CFAP299: variants seen among roughly 807,000 people sequenced by gnomAD.
The protein encoded by CFAP299 is cilia- and flagella-associated protein 299.
In CFAP299, 21 loss-of-function variants were observed where a neutral mutation model predicts 27.0. That is an observed-to-expected ratio of 0.78 (90% CI 0.55 to 1.12). The LOEUF (loss-of-function observed/expected upper bound fraction) is 1.12, where lower values mean the gene tolerates loss of function less well. Ranked by LOEUF, CFAP299 falls within the 50% of genes most tolerant of loss-of-function variation. The pLI is 0.00. For missense variants in CFAP299, 310 were observed against 276.6 expected (o/e 1.12, Z -0.86); for synonymous variants, 104 against 98.1 (o/e 1.06, Z -0.36).
intron 1 of CFAP299, among the ~76,000 whole-genome samples, chr4:80,348,925 A>G (rs1037299163): frequency 6.6e-5 from 10 of 152,152 alleles, no homozygotes; most frequent in African/African-American, 2.4e-4. Flanking sequence ...GAGTGCACAT[A>G]ATTTATTTTA....
intron 3 of CFAP299, among the ~76,000 whole-genome samples, chr4:80,595,974 A>G (rs1737038258): frequency 6.6e-6 from 1 of 152,180 alleles, no homozygotes; most frequent in South Asian, 2.1e-4. Context: ...GAGGGTTCCC[A>G]TCATACCTAT....
chr4:80,366,401 AG>A (rs1723835771), intron 2 of CFAP299, among the ~76,000 whole-genome samples: 1 of 152,216 alleles, frequency 6.6e-6, no homozygotes, highest in South Asian at 2.1e-4. Flanking sequence ...GAGAGATGAA[AG>A]TTAAAGATAT....
Position 80,532,851 on chromosome 4 carries a change from C to T in CFAP299, c.243-50242C>T, listed in dbSNP as rs367807961. On this transcript the variant is annotated intron_variant, in intron 2 of 5. Coordinates refer to ENST00000358105, the MANE Select transcript of CFAP299 (RefSeq NM_152770.3). ...GAAAACTCTGCAAAGCTAGCAGTGACGGTAGGTCACTGGGGGTGGCTGCCA... is the reference window on the plus strand; with the variant it reads ...GAAAACTCTGCAAAGCTAGCAGTGATGGTAGGTCACTGGGGGTGGCTGCCA... Among the ~76,000 whole-genome samples, 191 of 152,282 alleles carry T rather than the reference C, an allele frequency of 1.3e-3. No homozygotes were observed. The South Asian group carries it at 0.028, about 22-fold the overall frequency.
At chr4:80,799,618 AT>A (rs1230414595) in intron 3 of CFAP299, among the ~76,000 whole-genome samples, 1,102 of 31,596 alleles carry the variant, frequency 0.035, 55 homozygotes, top group African/African-American at 0.051. Flanking sequence ...TATATTATAT[AT>A]TTATAAATAT....
intron 2 of CFAP299, among the ~76,000 whole-genome samples, chr4:80,430,030 G>A (rs959353167): frequency 2.6e-5 from 4 of 151,786 alleles, no homozygotes; most frequent in African/African-American, 7.3e-5. Context: ...AAGCTTTATA[G>A]CAATCTTCTA....
rs534335184 is a variant in CFAP299, at chr4:80,664,933, A to C, written c.333+81750A>C. ...AAGCGTAGTTTCTGGGCCAGAATGC[A>C]CCATTCCTCATGGCATGGTCCCTCG... On this transcript the variant is annotated intron_variant, in intron 3 of 5. Coordinates refer to ENST00000358105, the MANE Select transcript of CFAP299 (RefSeq NM_152770.3). Among the ~76,000 whole-genome samples the C allele has an allele frequency of 5.9e-5, 9 of 152,238 alleles. No individual in the cohort carries two copies. The South Asian group carries it at 1.9e-3, about 32-fold the overall frequency.
At chr4:80,758,827 C>G (rs1725397670) in intron 3 of CFAP299, among the ~76,000 whole-genome samples, 1 of 152,050 alleles carries the variant, frequency 6.6e-6, no homozygotes, top group Admixed American at 6.5e-5. Flanking sequence ...TATTATATAT[C>G]AAAGATGACC....
At chr4:80,699,859 C>A (rs748585529) in intron 3 of CFAP299, among the ~76,000 whole-genome samples, 1 of 152,128 alleles carries the variant, frequency 6.6e-6, no homozygotes, top group Non-Finnish European at 1.5e-5. Flanking sequence ...ATGGCTGTAT[C>A]ATTCAGCTTA....
chr4:80,517,816 CAA>C (rs1732660275), intron 2 of CFAP299, among the ~76,000 whole-genome samples: 1 of 152,152 alleles, frequency 6.6e-6, no homozygotes, highest in African/African-American at 2.4e-5. Context: ...AGGAGAGAGA[CAA>C]GAGAGTTGAG....
intron 2 of CFAP299, among the ~76,000 whole-genome samples, chr4:80,380,199 C>T (rs1055705973): frequency 6.6e-6 from 1 of 152,052 alleles, no homozygotes; most frequent in Non-Finnish European, 1.5e-5. Flanking sequence ...TATATAGACA[C>T]TCAAGCTTTC....
chr4:80,937,961 G>C (rs1560484606), intron 4 of CFAP299, among the ~76,000 whole-genome samples: 2 of 151,948 alleles, frequency 1.3e-5, no homozygotes, highest in African/African-American at 4.8e-5. Context: ...GTTATGACAG[G>C]CTATTTTAAA....
intron 2 of CFAP299, among the ~76,000 whole-genome samples, chr4:80,507,836 T>A (rs1393838943): frequency 6.6e-6 from 1 of 152,208 alleles, no homozygotes; most frequent in Non-Finnish European, 1.5e-5. Context: ...TGGGGATTTA[T>A]GTTGTTTCTT....
At chr4:80,395,970 C>G (rs1387060326) in intron 2 of CFAP299, among the ~76,000 whole-genome samples, 1 of 152,122 alleles carries the variant, frequency 6.6e-6, no homozygotes, top group African/African-American at 2.4e-5. Flanking sequence ...AATACACACA[C>G]AATGTCTTTC....
intron 2 of CFAP299, among the ~76,000 whole-genome samples, chr4:80,471,999 G>A (rs974570291): frequency 3.9e-5 from 6 of 152,118 alleles, no homozygotes; most frequent in Non-Finnish European, 5.9e-5. Context: ...CTTAGGAGTC[G>A]TAAGCTTGGA....
chr4:80,962,374 C>G (rs1395780521), intron 5 of CFAP299, among the ~76,000 whole-genome samples: 1 of 151,826 alleles, frequency 6.6e-6, no homozygotes, highest in African/African-American at 2.4e-5. Context: ...CAAAATAGGT[C>G]TCTATACAGG....
chr4:80,375,475 T>G (rs67455947), intron 2 of CFAP299, among the ~76,000 whole-genome samples: 24,671 of 152,002 alleles, frequency 0.16, 2,169 homozygotes, highest in Middle Eastern at 0.26. Flanking sequence ...CAGGGATGTG[T>G]CTGGGGATGT....
At position 80,955,038 on chromosome 4, in the gene CFAP299, A is replaced by C. The variant is rs1737997627; in HGVS notation, c.607-8479A>C. 5.8e-5 allele frequency among the ~76,000 whole-genome samples: 8 copies of C among 139,028 alleles called. 2 individuals are homozygous for C. The highest frequency in any genetic ancestry group is 2.9e-4 in the Admixed American group (4 of 13,728). The allele number at this position is 139,028 out of a possible 152,430, so 91.2% of individuals were successfully genotyped here. A position where few individuals can be genotyped will look rare whatever the true frequency, so the allele number is the denominator to read the frequency against. On this transcript the variant is annotated intron_variant, in intron 5 of 5. Transcript: ENST00000358105. Reference sequence around the variant, plus strand: ...AAAAAAAAAAAAAAAAAAAAAACGCACACATGGCCATATACAGAGTAGTAT... The same window carrying C: ...AAAAAAAAAAAAAAAAAAAAAACGCCCACATGGCCATATACAGAGTAGTAT...
chr4:80,500,037 A>T (rs988283458), intron 2 of CFAP299, among the ~76,000 whole-genome samples: 2 of 151,442 alleles, frequency 1.3e-5, no homozygotes, highest in African/African-American at 2.4e-5. Flanking sequence ...TTCAAATTTT[A>T]TTTTTTGGTG....
chr4:80,833,965 T>C (rs982694734), intron 3 of CFAP299, among the ~76,000 whole-genome samples: 1 of 152,204 alleles, frequency 6.6e-6, no homozygotes, highest in Non-Finnish European at 1.5e-5. Context: ...TGACAGTAGA[T>C]GGAAGCGTTC....
Sources: gnomAD v4.1 joint callset for allele counts (sites outside exome capture counted in the v4.1 genomes callset) on GRCh38, gnomAD v4.1.1 for gene constraint, MANE v1.5 for transcripts, NCBI Gene and HGNC (gene_info 2026-07-23, HGNC 2026-07-21) for gene names.